Variants in GNB1 observed in about 807,000 individuals in gnomAD.
GNB1 encodes G protein subunit beta 1.
GNB1 carries 2 observed loss-of-function variants against 42.9 expected under a neutral mutation model. That is an observed-to-expected ratio of 0.05 (90% CI 0.02 to 0.15). GNB1 has a LOEUF of 0.15. Among genes scored for constraint, GNB1 ranks in the 10% least tolerant of loss-of-function variants. The pLI, the probability that GNB1 is intolerant of heterozygous loss-of-function variation, is 1.00. For missense variants in GNB1, 193 were observed against 462.2 expected, an observed-to-expected ratio of 0.42 and a Z score of 5.34; for synonymous variants, 183 against 174.7, an observed-to-expected ratio of 1.05 and a Z score of -0.38.
intron 1 of GNB1, among the ~76,000 whole-genome samples, chr1:1,846,165 T>C (rs1014155232): frequency 6.6e-6 from 1 of 151,982 alleles, no homozygotes; most frequent in African/African-American, 2.4e-5. Flanking sequence ...GAATATACCT[T>C]ACTGGATCTA....
chr1:1,883,700 A>T (rs2101908989), intron 1 of GNB1, among the ~76,000 whole-genome samples: 1 of 152,312 alleles, frequency 6.6e-6, no homozygotes, highest in East Asian at 1.9e-4. Context: ...AGGCTCAGGG[A>T]GGACAGAAAG....
chr1:1,851,834 A>C (rs1407359673), intron 1 of GNB1, among the ~76,000 whole-genome samples: 6 of 152,054 alleles, frequency 3.9e-5, no homozygotes, highest in Non-Finnish European at 5.9e-5. Context: ...ACTTGAGGTC[A>C]GGAGTTTGAG....
chr1:1,862,332 G>C (rs190299444), intron 1 of GNB1, among the ~76,000 whole-genome samples: 1 of 152,168 alleles, frequency 6.6e-6, no homozygotes, highest in African/African-American at 2.4e-5. Flanking sequence ...CCTCCTCTTC[G>C]GAGGCTTGTC....
intron 10 of GNB1, 46 bp downstream of exon 10, chr1:1,789,007 C>G: frequency 7.6e-7 from 1 of 1,319,514 alleles, no homozygotes; most frequent in South Asian, 1.2e-5. Flanking sequence ...TCTAAAGATA[C>G]CACGTAAATG....
intron 1 of GNB1, among the ~76,000 whole-genome samples, chr1:1,870,201 T>C (rs1471650198): frequency 6.6e-6 from 1 of 152,180 alleles, no homozygotes; most frequent in Non-Finnish European, 1.5e-5. Context: ...GTTTTGTTTT[T>C]GCTTTTTTGA....
At chr1:1,872,189 C>CA (rs1404298736) in intron 1 of GNB1, among the ~76,000 whole-genome samples, 6 of 152,078 alleles carry the variant, frequency 3.9e-5, no homozygotes, top group Middle Eastern at 3.4e-3. Flanking sequence ...TAAGTAGAGA[C>CA]AGAGTCTTGA....
At chr1:1,792,696 C>CA (rs374752641) in intron 8 of GNB1, among the ~76,000 whole-genome samples, 47,222 of 102,394 alleles carry the variant, frequency 0.46, 9,060 homozygotes, top group Middle Eastern at 0.61. Flanking sequence ...GACTCTATCT[C>CA]AAAAAAAAAA....
chr1:1,889,756 G>A (rs977561362), intron 1 of GNB1, among the ~76,000 whole-genome samples: 7 of 150,806 alleles, frequency 4.6e-5, no homozygotes, highest in African/African-American at 1.2e-4. Context: ...ACGGACACAA[G>A]AAATGTTAAA....
intron 1 of GNB1, among the ~76,000 whole-genome samples, chr1:1,854,232 C>T (rs577348614): frequency 6.6e-6 from 1 of 152,150 alleles, no homozygotes; most frequent in Non-Finnish European, 1.5e-5. Context: ...TAGAAGGTGG[C>T]CAGAGAAGGC....
In GNB1 at chr1:1,786,846, ATTTG is replaced by A. The variant is rs763047625; in HGVS notation, c.*213_*216del. 2 of 152,726 alleles carry A rather than the reference ATTTG, an allele frequency of 1.3e-5. No homozygotes were observed. Among genetic ancestry groups the A allele is most frequent in the Non-Finnish European group, 1.5e-5 (1 of 68,080 alleles). The allele number at this position is 152,726 out of a possible 1,614,324, so 9.5% of individuals were successfully genotyped here. A position where few individuals can be genotyped will look rare whatever the true frequency, so the allele number is the denominator to read the frequency against. On this transcript the variant is annotated 3_prime_UTR_variant, in exon 12 of 12. Transcript: ENST00000378609. ...ACGATGGCCCCGGAAGGAATGCACAATTTGTTTTAGTTTACAGCACAGAGATCTT... is the reference window on the plus strand; with the variant it reads ...ACGATGGCCCCGGAAGGAATGCACAATTTTAGTTTACAGCACAGAGATCTT...
chr1:1,821,267 C>T (rs1166669144), intron 3 of GNB1, among the ~76,000 whole-genome samples: 1 of 152,218 alleles, frequency 6.6e-6, no homozygotes, highest in Non-Finnish European at 1.5e-5. Context: ...CTCCAGAACA[C>T]ATCTACGCCT....
chr1:1,889,189 T>C (rs1650325726), intron 1 of GNB1, among the ~76,000 whole-genome samples: 1 of 152,242 alleles, frequency 6.6e-6, no homozygotes, highest in South Asian at 2.1e-4. Context: ...CAGTATGCAG[T>C]TCACTGAAAC....
chr1:1,857,610 T>G (rs924570781), intron 1 of GNB1, among the ~76,000 whole-genome samples: 1 of 151,914 alleles, frequency 6.6e-6, no homozygotes, highest in Non-Finnish European at 1.5e-5. Flanking sequence ...GGAACATGGG[T>G]AGGCCAAGCA....
intron 1 of GNB1, among the ~76,000 whole-genome samples, chr1:1,852,359 G>A (rs1648034380): frequency 6.6e-6 from 1 of 151,990 alleles, no homozygotes; most frequent in South Asian, 2.1e-4. Flanking sequence ...CTCCCAAGTA[G>A]CTGGGACTAT....
chr1:1,787,479 C>A lies in GNB1; in HGVS notation c.917-42G>T. ...GCAGAATCACACCAAAGCCCAGAGG[C>A]ATCGATCTCACCTGTGTGCCATGTT... On this transcript the variant is annotated intron_variant, in intron 10 of 11. Transcript: ENST00000378609. The surrounding 1 kb of genome is among the most constrained non-coding windows in gnomAD (Gnocchi z 4.4). The A allele has an allele frequency of 8.5e-7, 1 of 1,183,358 alleles. No individual in the cohort carries two copies. Among genetic ancestry groups the A allele is most frequent in the Non-Finnish European group, 1.3e-6 (1 of 790,566 alleles). 73.3% of individuals were successfully genotyped at this position (1,183,358 alleles called of 1,614,324 possible).
chr1:1,858,992 TAC>T (rs1336510489), intron 1 of GNB1, among the ~76,000 whole-genome samples: 2 of 151,922 alleles, frequency 1.3e-5, no homozygotes, highest in Admixed American at 1.3e-4. Context: ...AAAAATAAAA[TAC>T]AGTTTCCTTC....
intron 3 of GNB1, among the ~76,000 whole-genome samples, chr1:1,824,611 C>T (rs758839988): frequency 5.3e-5 from 8 of 151,720 alleles, no homozygotes; most frequent in African/African-American, 9.7e-5. Context: ...CTCACTCTGA[C>T]GCCCAGGTTG....
intron 4 of GNB1, 75 bp downstream of exon 4, chr1:1,817,762 C>T (rs1175428140): frequency 1.9e-6 from 2 of 1,028,740 alleles, no homozygotes; most frequent in African/African-American, 3.1e-5. Context: ...CAGAGCCCTC[C>T]CGAGGCTCCA....
At chr1:1,832,075 AAAAAG>A (rs1195027520) in intron 2 of GNB1, among the ~76,000 whole-genome samples, 16 of 151,824 alleles carry the variant, frequency 1.1e-4, no homozygotes, top group Non-Finnish European at 1.8e-4. Context: ...AAAAAAAAAA[AAAAAG>A]AAAAGAAAAA....
Sources: allele counts gnomAD v4.1 joint callset (sites outside exome capture counted in the v4.1 genomes callset), GRCh38; gene constraint gnomAD v4.1.1; non-coding constraint Gnocchi (gnomAD v3.1); transcripts MANE v1.5; gene names NCBI Gene and HGNC (gene_info 2026-07-23, HGNC 2026-07-21).